The following ADAMTS6 variants were observed in gnomAD, a reference collection of about 807,000 sequenced individuals.
ADAMTS6 encodes the protein A disintegrin and metalloproteinase with thrombospondin motifs 6.
In ADAMTS6, 23 loss-of-function variants were observed where a neutral mutation model predicts 144.3. That is an observed-to-expected ratio of 0.16 (90% CI 0.11 to 0.23). The LOEUF (loss-of-function observed/expected upper bound fraction) is 0.23. Among genes scored for constraint, ADAMTS6 ranks in the 10% least tolerant of loss-of-function variants. The pLI is 1.00. For missense variants in ADAMTS6, 999 were observed against 1,379.6 expected (o/e 0.72, Z 4.37); for synonymous variants, 444 against 457.5 (o/e 0.97, Z 0.38).
At chr5:65,251,601 G>A (rs768961832) in intron 14 of ADAMTS6, 6 of 152,182 alleles carry the variant, frequency 3.9e-5, no homozygotes, top group African/African-American at 9.7e-5. Flanking sequence ...CAAAGAAAGG[G>A]TCCTTGTGTA....
chr5:65,441,560 C>G lies in ADAMTS6; in HGVS notation c.1073+9915G>C, dbSNP rs563568412. Among the ~76,000 whole-genome samples the G allele has an allele frequency of 3.9e-5, 6 of 152,092 alleles. No individual in the cohort carries two copies. In the East Asian group the frequency reaches 1.2e-3, roughly 29 times the overall value. ...GGTAAAGAATAATTAAACACCATGA[C>G]CACCCAAATTAATCTAATTGATATA... On this transcript the variant is annotated intron_variant, in intron 7 of 24. Coordinates refer to ENST00000381055, the MANE Select transcript of ADAMTS6 (RefSeq NM_197941.4).
intron 22 of ADAMTS6, among the ~76,000 whole-genome samples, chr5:65,177,689 TAAAAC>T (rs1168240332): frequency 6.6e-6 from 1 of 152,186 alleles, no homozygotes; most frequent in Non-Finnish European, 1.5e-5. Flanking sequence ...GTTAAAGACT[TAAAAC>T]AAACTTTGGC....
intron 9 of ADAMTS6, among the ~76,000 whole-genome samples, chr5:65,303,570 CAAATTAAT>C (rs1743638424): frequency 1.3e-5 from 2 of 151,564 alleles, no homozygotes; most frequent in African/African-American, 4.8e-5. Context: ...ATCATAGAAA[CAAATTAAT>C]AAACTTTCAT....
chr5:65,297,102 C>A, intron 10 of ADAMTS6: 1 of 423,802 alleles, frequency 2.4e-6, no homozygotes, highest in Non-Finnish European at 4.7e-6. Context: ...ATAGGAAAGA[C>A]ACTACCTGCA....
At chr5:65,234,126 T>C (rs1050210381) in intron 15 of ADAMTS6, among the ~76,000 whole-genome samples, 2 of 150,080 alleles carry the variant, frequency 1.3e-5, no homozygotes, top group Non-Finnish European at 3.0e-5. Flanking sequence ...TGGATACTTA[T>C]ACCATACACA....
intron 20 of ADAMTS6, among the ~76,000 whole-genome samples, chr5:65,212,370 A>G (rs1561284949): frequency 6.6e-6 from 1 of 151,724 alleles, no homozygotes; most frequent in African/African-American, 2.4e-5. Flanking sequence ...TCACAGAAAG[A>G]AGAATAAATA....
intron 22 of ADAMTS6, among the ~76,000 whole-genome samples, chr5:65,184,036 C>G (rs1754523069): frequency 6.6e-6 from 1 of 152,074 alleles, no homozygotes; most frequent in Non-Finnish European, 1.5e-5. Flanking sequence ...CATTATTTCT[C>G]CTTATGTGGG....
At chr5:65,417,921 A>C (rs1202391991) in intron 7 of ADAMTS6, among the ~76,000 whole-genome samples, 1 of 152,238 alleles carries the variant, frequency 6.6e-6, no homozygotes, top group African/African-American at 2.4e-5. Context: ...AGCCAAAGCA[A>C]TGCTAAGCAA....
intron 14 of ADAMTS6, chr5:65,251,886 G>C (rs1760196536): frequency 6.6e-6 from 1 of 152,158 alleles, no homozygotes; most frequent in African/African-American, 2.4e-5. Context: ...GGTTAAGAGG[G>C]ATAGGAGTTA....
chr5:65,391,195 CA>C (rs1752882794), intron 7 of ADAMTS6, among the ~76,000 whole-genome samples: 2 of 152,144 alleles, frequency 1.3e-5, no homozygotes, highest in South Asian at 4.1e-4. Flanking sequence ...GCCAGGATTA[CA>C]GGTATGAACC....
intron 7 of ADAMTS6, among the ~76,000 whole-genome samples, chr5:65,408,171 G>A (rs1200168803): frequency 3.3e-5 from 5 of 152,102 alleles, no homozygotes; most frequent in Non-Finnish European, 5.9e-5. Flanking sequence ...ATGTAAATGG[G>A]CTAAATGCTC....
At chr5:65,464,380 T>C (rs570115511) in intron 3 of ADAMTS6, among the ~76,000 whole-genome samples, 57 of 152,336 alleles carry the variant, frequency 3.7e-4, no homozygotes, top group African/African-American at 1.3e-3. Context: ...ACTACCACAA[T>C]TTCACAATTA....
At chr5:65,236,394 C>A (rs1758671259) in intron 15 of ADAMTS6, among the ~76,000 whole-genome samples, 1 of 152,034 alleles carries the variant, frequency 6.6e-6, no homozygotes, top group Non-Finnish European at 1.5e-5. Context: ...CTCAAGTGAT[C>A]CTCCCACCTC....
intron 4 of ADAMTS6, among the ~76,000 whole-genome samples, chr5:65,456,501 C>T (rs1220520598): frequency 6.6e-6 from 1 of 152,096 alleles, no homozygotes; most frequent in Non-Finnish European, 1.5e-5. Flanking sequence ...GTTCATAGTA[C>T]TTACTACTTC....
At chr5:65,262,670 C>T in intron 13 of ADAMTS6, 147 bp downstream of exon 13, 1 of 835,240 alleles carries the variant, frequency 1.2e-6, no homozygotes, top group South Asian at 3.8e-5. Flanking sequence ...AACAAAGCTC[C>T]TCCACTTTCC....
intron 7 of ADAMTS6, among the ~76,000 whole-genome samples, chr5:65,394,690 G>A (rs1015943398): frequency 9.2e-5 from 14 of 152,020 alleles, no homozygotes; most frequent in Non-Finnish European, 4.4e-5. Context: ...CAATGATATG[G>A]ATCTAATATA....
At chr5:65,164,249 C>T (rs55723147) in intron 24 of ADAMTS6, among the ~76,000 whole-genome samples, 10,783 of 151,696 alleles carry the variant, frequency 0.071, 1,248 homozygotes, top group African/African-American at 0.24. Flanking sequence ...GTTCCCTTTC[C>T]GAGTCAAAGA....
intron 22 of ADAMTS6, among the ~76,000 whole-genome samples, chr5:65,182,527 C>A (rs1322060445): frequency 6.6e-6 from 1 of 151,472 alleles, no homozygotes; most frequent in Non-Finnish European, 1.5e-5. Flanking sequence ...AAATCCTTGG[C>A]ATGTAATAAT....
At position 65,285,250 on chromosome 5, in the gene ADAMTS6, C is replaced by G. The variant is rs1360652034; in HGVS notation, c.1512+6079G>C. ...AGGTGCAGTTACACTTGGCTTCTAC[C>G]TTTTTCTCCTGTTTCTTTTGTGTGG... On this transcript the variant is annotated intron_variant, in intron 11 of 24. Coordinates refer to ENST00000381055, the MANE Select transcript of ADAMTS6 (RefSeq NM_197941.4). Among the ~76,000 whole-genome samples, 3 of 152,004 alleles carry G rather than the reference C, an allele frequency of 2.0e-5. No individual in the cohort carries two copies. In the South Asian group the frequency reaches 6.2e-4, roughly 32 times the overall value.
Sources: gnomAD v4.1 joint callset for allele counts (sites outside exome capture counted in the v4.1 genomes callset) on GRCh38, gnomAD v4.1.1 for gene constraint, MANE v1.5 for transcripts, NCBI Gene and HGNC (gene_info 2026-07-23, HGNC 2026-07-21) for gene names.